RBBP4: variants seen among roughly 807,000 people sequenced by gnomAD.
The protein encoded by RBBP4 is histone-binding protein RBBP4.
In RBBP4, 3 loss-of-function variants were observed where a neutral mutation model predicts 57.2. The observed-to-expected ratio is 0.05, with a 90% CI of 0.02 to 0.14. The LOEUF (loss-of-function observed/expected upper bound fraction) is 0.14. Ranked by LOEUF, RBBP4 falls within the 10% of genes least tolerant of loss-of-function variation. RBBP4 has a pLI of 1.00. For missense variants in RBBP4, 107 were observed against 520.6 expected, an observed-to-expected ratio of 0.21 and a Z score of 7.73; for synonymous variants, 151 against 171.5, an observed-to-expected ratio of 0.88 and a Z score of 0.93.
At chr1:32,668,467 T>G (rs1228508505) in intron 4 of RBBP4, 69 bp downstream of exon 4, 3 of 1,394,878 alleles carry the variant, frequency 2.2e-6, no homozygotes, top group Non-Finnish European at 3.0e-6. Context: ...TCACTGTGAG[T>G]TTAATTGCAT....
At chr1:32,674,849 T>C (rs1296221312) in intron 11 of RBBP4, among the ~76,000 whole-genome samples, 1 of 151,998 alleles carries the variant, frequency 6.6e-6, no homozygotes, top group Admixed American at 6.6e-5. Flanking sequence ...TGCCTCAGCC[T>C]GCTGATTAGC....
intron 11 of RBBP4, among the ~76,000 whole-genome samples, chr1:32,673,141 C>T (rs1310531742): frequency 6.6e-6 from 1 of 152,028 alleles, no homozygotes; most frequent in Non-Finnish European, 1.5e-5. Flanking sequence ...CTCCTTTTCC[C>T]TCTCCTCCTT....
At chr1:32,661,186 A>AT (rs1648389649) in intron 3 of RBBP4, among the ~76,000 whole-genome samples, 2 of 152,196 alleles carry the variant, frequency 1.3e-5, no homozygotes, top group Non-Finnish European at 2.9e-5. Context: ...TATTGTGAAT[A>AT]ATGCTACAGT....
In RBBP4 at chr1:32,681,857, GC is replaced by G; in HGVS notation, c.*2156del. 6.2e-7 allele frequency: 1 copy of G among 1,614,100 alleles called. No individual in the cohort carries two copies. The highest frequency in any genetic ancestry group is 8.5e-7 in the Non-Finnish European group (1 of 1,179,974). On this transcript the variant is annotated 3_prime_UTR_variant, in exon 12 of 12. Coordinates refer to ENST00000373493, the MANE Select transcript of RBBP4 (RefSeq NM_005610.3). ...AGATTTGGCCATATATTTCTAAACA[GC>G]CCCTGTAAAGTTGAAAGAAAAAGTT...
At position 32,680,346 on chromosome 1, in the gene RBBP4, T is replaced by C. The variant is rs1649348178; in HGVS notation, c.*641T>C. ...CCTGTCTGTGAAATGGTGTTTTTTT[T>C]TTTGTTGTTGGTTTTTTTTTTTTTT... On this transcript the variant is annotated 3_prime_UTR_variant, in exon 12 of 12. Coordinates refer to ENST00000373493, the MANE Select transcript of RBBP4 (RefSeq NM_005610.3). 1 of 1,224,914 alleles carries C rather than the reference T, an allele frequency of 8.2e-7. No homozygotes were observed. Among genetic ancestry groups the C allele is most frequent in the African/African-American group, 1.8e-5 (1 of 56,978 alleles). The allele number at this position is 1,224,914 out of a possible 1,614,324, so 75.9% of individuals were successfully genotyped here.
In RBBP4 at chr1:32,673,983, C is replaced by T. The variant is rs915173394; in HGVS notation, c.1212+1082C>T. 1.0e-3 allele frequency among the ~76,000 whole-genome samples: 155 copies of T among 151,966 alleles called. 2 individuals are homozygous for T. Among genetic ancestry groups the T allele is most frequent in the Non-Finnish European group, 2.0e-3 (134 of 68,008 alleles). ...GGGCGTGGTGGCGGGCGCCTGTAGTCCCAGCTCCTCAGGAGGCTGAGGCAG... is the reference window on the plus strand; with the variant it reads ...GGGCGTGGTGGCGGGCGCCTGTAGTTCCAGCTCCTCAGGAGGCTGAGGCAG... On this transcript the variant is annotated intron_variant, in intron 11 of 11. Transcript: ENST00000373493.
At chr1:32,673,585 G>C in intron 11 of RBBP4, 1 of 313,754 alleles carries the variant, frequency 3.2e-6, no homozygotes, top group South Asian at 2.4e-5. Context: ...CTATAGGTGC[G>C]TACCACCATG....
In RBBP4 at chr1:32,684,739, TTTG is replaced by T. The variant is rs1450855314; in HGVS notation, c.*5037_*5039del. On this transcript the variant is annotated 3_prime_UTR_variant, in exon 12 of 12. Transcript: ENST00000373493. ...ATATACCTCTCCCTCCATGTGCAGG[TTTG>T]TTAAGATAATTGGTAGTTTTTAATA... The T allele has an allele frequency of 4.0e-5, 7 of 175,796 alleles. No homozygotes were observed. The highest frequency in any genetic ancestry group is 1.7e-4 in the African/African-American group (7 of 42,228). The allele number at this position is 175,796 out of a possible 1,614,324, so 10.9% of individuals were successfully genotyped here.
Position 32,653,620 on chromosome 1 carries a change from G to A in RBBP4, c.164+1559G>A, listed in dbSNP as rs536597612. Among the ~76,000 whole-genome samples the A allele has an allele frequency of 1.3e-4, 12 of 90,118 alleles. No homozygotes were observed. The South Asian group carries it at 3.4e-3, about 26-fold the overall frequency. The allele number at this position is 90,118 out of a possible 152,430, so 59.1% of individuals were successfully genotyped here. A position where few individuals can be genotyped will look rare whatever the true frequency, so the allele number is the denominator to read the frequency against. ...AATTGGGAGTTAGAAGCTGCTTTGTGTGTTTTTTGTTTTCTGGTTTTTTTT... is the reference window on the plus strand; with the variant it reads ...AATTGGGAGTTAGAAGCTGCTTTGTATGTTTTTTGTTTTCTGGTTTTTTTT... On this transcript the variant is annotated intron_variant, in intron 2 of 11. Coordinates refer to ENST00000373493, the MANE Select transcript of RBBP4 (RefSeq NM_005610.3).
At chr1:32,675,661 C>T (rs1009854314) in intron 11 of RBBP4, among the ~76,000 whole-genome samples, 16 of 151,760 alleles carry the variant, frequency 1.1e-4, no homozygotes, top group Admixed American at 1.3e-4. Context: ...CCCAGCTACT[C>T]GGGAGGCTGA....
intron 8 of RBBP4, among the ~76,000 whole-genome samples, chr1:32,672,115 G>T (rs562752648): frequency 6.6e-6 from 1 of 151,818 alleles, no homozygotes; most frequent in South Asian, 2.1e-4. Context: ...TCAGCCTCCC[G>T]AGTAGCTGGG....
At chr1:32,666,769 A>C (rs1280259322) in intron 3 of RBBP4, among the ~76,000 whole-genome samples, 1 of 152,244 alleles carries the variant, frequency 6.6e-6, no homozygotes, top group Non-Finnish European at 1.5e-5. Flanking sequence ...AATAGTTAGA[A>C]TAAGAATAGT....
At chr1:32,653,658 TTG>T (rs1351521731) in intron 2 of RBBP4, among the ~76,000 whole-genome samples, 1,282 of 41,928 alleles carry the variant, frequency 0.031, 41 homozygotes, top group African/African-American at 0.089. Context: ...TTTTTTTTTT[TTG>T]TTTTTGTTTT....
chr1:32,663,241 A>G (rs1433390967), intron 3 of RBBP4, among the ~76,000 whole-genome samples: 2 of 152,096 alleles, frequency 1.3e-5, no homozygotes, highest in Non-Finnish European at 2.9e-5. Flanking sequence ...GCATACATAT[A>G]TAAAAATTCA....
At chr1:32,668,635 A>G in intron 4 of RBBP4, 104 bp from the exon 5 acceptor site, 1 of 940,136 alleles carries the variant, frequency 1.1e-6, no homozygotes, top group Non-Finnish European at 1.6e-6. Context: ...TATATCATTT[A>G]TAAATGTTAA....
rs764291027 is a variant in RBBP4 at position 32,679,803 on chromosome 1, C to T, written c.*98C>T. On this transcript the variant is annotated 3_prime_UTR_variant, in exon 12 of 12. Coordinates refer to ENST00000373493, the MANE Select transcript of RBBP4 (RefSeq NM_005610.3). Reference sequence around the variant, plus strand: ...TTTGAGACAGACTTTATTCAGCTATCCCTCTATATAATAGGTACCACCGAT... The same window carrying T: ...TTTGAGACAGACTTTATTCAGCTATTCCTCTATATAATAGGTACCACCGAT... 5.0e-5 allele frequency: 77 copies of T among 1,546,644 alleles called. No homozygotes were observed. In the African/African-American group the frequency reaches 1.0e-3, roughly 20 times the overall value.
At position 32,657,481 on chromosome 1, in the gene RBBP4, G is replaced by C; in HGVS notation, c.219G>C (p.Ser73=). ...GACTTGTCCTGGGGACACACACATC[G>C]GATGAACAAAACCATCTTGTTATAG... ...IHRLVLGTHT[S]DEQNHLVIAS... is the part of the protein sequence containing the mutation. The change falls in exon 3 of 12, where the codon TCG becomes TCC. Residue 73 remains serine (S), a synonymous_variant. Transcript: ENST00000373493. The C allele has an allele frequency of 6.2e-7, 1 of 1,613,948 alleles. No homozygotes were observed. The highest frequency in any genetic ancestry group is 8.5e-7 in the Non-Finnish European group (1 of 1,179,918).
chr1:32,658,334 TTAAAAGAGTTCTTAGAGGAGCAATAG>T (rs966047476), intron 3 of RBBP4, among the ~76,000 whole-genome samples: 2 of 147,414 alleles, frequency 1.4e-5, no homozygotes, highest in African/African-American at 5.1e-5. Context: ...GGAATAGTTC[TTAAAAGAGTTCTTAGAGGAGCAATAG>T]TAAAAAAAAA....
intron 3 of RBBP4, among the ~76,000 whole-genome samples, chr1:32,659,434 C>T (rs56344039): frequency 4.4e-4 from 67 of 151,926 alleles, no homozygotes; most frequent in African/African-American, 1.6e-3. Flanking sequence ...GTGGCACGCA[C>T]CTGTAATCCC....
Sources: gnomAD v4.1 joint callset for allele counts (sites outside exome capture counted in the v4.1 genomes callset) on GRCh38, gnomAD v4.1.1 for gene constraint, MANE v1.5 for transcripts, NCBI Gene and HGNC (gene_info 2026-07-23, HGNC 2026-07-21) for gene names.